The following SUPT3H variants were observed in gnomAD, a reference collection of about 807,000 sequenced individuals.
The protein encoded by SUPT3H is SPT3 homolog, SAGA and STAGA complex component.
Under a neutral mutation model 44.3 loss-of-function variants are expected in SUPT3H, and 44 were observed. The observed-to-expected ratio is 0.99, with a 90% confidence interval of 0.78 to 1.28. The LOEUF (loss-of-function observed/expected upper bound fraction) is 1.28, where lower values mean the gene tolerates loss of function less well. SUPT3H is among the 50% of genes most tolerant of loss of function. The pLI, the probability that SUPT3H is intolerant of heterozygous loss-of-function variation, is 0.00. For missense variants in SUPT3H, 380 were observed against 387.1 expected (o/e 0.98, Z 0.15); for synonymous variants, 124 against 125.6 (o/e 0.99, Z 0.09).
chr6:45,018,129 A>G lies in SUPT3H; in HGVS notation c.273+2417T>C, dbSNP rs543322724. 1.7e-3 allele frequency among the ~76,000 whole-genome samples: 258 copies of G among 151,766 alleles called. 8 individuals are homozygous for G. The East Asian group carries it at 0.047, about 28-fold the overall frequency. On this transcript the variant is annotated intron_variant, in intron 4 of 10. Coordinates refer to ENST00000371459, the MANE Select transcript of SUPT3H (RefSeq NM_003599.4). ...AGCAATTGTGAATGGGAGTTCACTC[A>G]TGAGTTGGCTCTCTGTTTGTCTGTT... is the stretch of plus-strand genomic sequence containing the variant.
intron 2 of SUPT3H, among the ~76,000 whole-genome samples, chr6:45,284,217 A>G (rs1306194900): frequency 1.3e-5 from 2 of 152,228 alleles, no homozygotes; most frequent in African/African-American, 2.4e-5. Flanking sequence ...TTCAAAAGCT[A>G]GCAGAAGGCA....
At chr6:44,893,592 G>A (rs1167057628) in intron 10 of SUPT3H, among the ~76,000 whole-genome samples, 4 of 152,106 alleles carry the variant, frequency 2.6e-5, no homozygotes, top group South Asian at 2.1e-4. Flanking sequence ...TGGTATATAT[G>A]TGCCACATTT....
intron 2 of SUPT3H, among the ~76,000 whole-genome samples, chr6:45,141,246 AG>A (rs1805127609): frequency 7.1e-6 from 1 of 139,894 alleles, no homozygotes; most frequent in South Asian, 2.4e-4. Flanking sequence ...AGGCTGAGAC[AG>A]GAGAATCACT....
At chr6:45,137,926 G>C (rs949629894) in intron 2 of SUPT3H, among the ~76,000 whole-genome samples, 22 of 151,712 alleles carry the variant, frequency 1.5e-4, no homozygotes, top group Non-Finnish European at 2.9e-5. Context: ...GCTAATGAAA[G>C]GACATGCCAA....
chr6:45,358,218 T>C (rs773336018), intron 2 of SUPT3H, among the ~76,000 whole-genome samples: 1 of 152,226 alleles, frequency 6.6e-6, no homozygotes, highest in South Asian at 2.1e-4. Context: ...AAGCATTCTA[T>C]AAATAATTTG....
intron 3 of SUPT3H, among the ~76,000 whole-genome samples, chr6:45,026,988 T>C (rs1786119348): frequency 9.1e-6 from 1 of 110,026 alleles, no homozygotes; most frequent in Non-Finnish European, 1.8e-5. Flanking sequence ...TTGGATCCTT[T>C]TTTTTTTTTT....
intron 10 of SUPT3H, among the ~76,000 whole-genome samples, chr6:44,922,189 C>A (rs1768836927): frequency 6.6e-6 from 1 of 152,138 alleles, no homozygotes; most frequent in Non-Finnish European, 1.5e-5. Flanking sequence ...GCATACATAG[C>A]CTAGGGGATT....
intron 10 of SUPT3H, among the ~76,000 whole-genome samples, chr6:44,908,684 T>C (rs975056759): frequency 2.6e-5 from 4 of 152,140 alleles, no homozygotes; most frequent in Admixed American, 6.5e-5. Context: ...AAGTCTTCAC[T>C]GCAAGCCAAC....
chr6:45,153,637 G>A (rs767636723), intron 2 of SUPT3H, among the ~76,000 whole-genome samples: 1 of 152,190 alleles, frequency 6.6e-6, no homozygotes, highest in African/African-American at 2.4e-5. Context: ...TAGGGAGCCC[G>A]AGGCTGATGG....
chr6:45,121,923 G>T (rs1237769293), intron 2 of SUPT3H, among the ~76,000 whole-genome samples: 3 of 151,656 alleles, frequency 2.0e-5, no homozygotes, highest in African/African-American at 7.3e-5. Flanking sequence ...TGATCCACCC[G>T]CCTCAGCCTC....
chr6:45,076,584 A>G (rs1245161114), intron 3 of SUPT3H, among the ~76,000 whole-genome samples: 2 of 152,108 alleles, frequency 1.3e-5, no homozygotes, highest in Non-Finnish European at 2.9e-5. Context: ...ATGAAGTCAG[A>G]CTCACACTCA....
At chr6:45,267,282 C>A (rs1029241351) in intron 2 of SUPT3H, among the ~76,000 whole-genome samples, 1 of 152,102 alleles carries the variant, frequency 6.6e-6, no homozygotes, top group African/African-American at 2.4e-5. Context: ...AAAATTCATG[C>A]CCTAATTAAG....
At chr6:44,897,763 G>C (rs1364123537) in intron 10 of SUPT3H, among the ~76,000 whole-genome samples, 1 of 152,134 alleles carries the variant, frequency 6.6e-6, no homozygotes, top group Non-Finnish European at 1.5e-5. Flanking sequence ...GGGAGCTCAA[G>C]TTCAGTTTAT....
chr6:44,825,972 G>A (rs1767715229), downstream of SUPT3H, among the ~76,000 whole-genome samples: 1 of 152,146 alleles, frequency 6.6e-6, no homozygotes, highest in African/African-American at 2.4e-5. Context: ...TTTAAAATAT[G>A]CTTCAATTGC....
intron 2 of SUPT3H, among the ~76,000 whole-genome samples, chr6:45,280,918 C>T (rs1241182555): frequency 6.6e-6 from 1 of 152,116 alleles, no homozygotes; most frequent in African/African-American, 2.4e-5. Context: ...CCATTAACAT[C>T]TGTAATGTCC....
chr6:44,922,684 T>C (rs556299427), intron 10 of SUPT3H, among the ~76,000 whole-genome samples: 1 of 152,304 alleles, frequency 6.6e-6, no homozygotes, highest in South Asian at 2.1e-4. Context: ...AACTAATTTG[T>C]ATATAAAATA....
chr6:44,900,548 C>A (rs1197316377), intron 10 of SUPT3H, among the ~76,000 whole-genome samples: 4 of 152,210 alleles, frequency 2.6e-5, no homozygotes, highest in Non-Finnish European at 5.9e-5. Context: ...GTGGAGCCCA[C>A]CACAACTCAA....
chr6:45,190,135 T>C (rs1471749212), intron 2 of SUPT3H, among the ~76,000 whole-genome samples: 3 of 152,264 alleles, frequency 2.0e-5, no homozygotes, highest in East Asian at 1.9e-4. Flanking sequence ...TTCTTTACTA[T>C]AAAACTTGTT....
At chr6:44,849,078 C>T (rs569012193) in intron 10 of SUPT3H, among the ~76,000 whole-genome samples, 5 of 152,268 alleles carry the variant, frequency 3.3e-5, no homozygotes, top group South Asian at 2.1e-4. Context: ...AGCAGTTTAA[C>T]GTAATTTCAT....
Sources: gnomAD v4.1 joint callset for allele counts (sites outside exome capture counted in the v4.1 genomes callset) on GRCh38, gnomAD v4.1.1 for gene constraint, MANE v1.5 for transcripts, NCBI Gene and HGNC (gene_info 2026-07-23, HGNC 2026-07-21) for gene names.